PPP2R5E: variants seen among roughly 807,000 people sequenced by gnomAD.
PPP2R5E encodes the protein protein phosphatase 2 regulatory subunit B'epsilon.
In PPP2R5E, 4 loss-of-function variants were observed where a neutral mutation model predicts 65.3. That is an observed-to-expected ratio of 0.06 (90% CI 0.03 to 0.14). The LOEUF is 0.14. Among genes scored for constraint, PPP2R5E ranks in the 10% least tolerant of loss-of-function variants. The pLI, the probability that PPP2R5E is intolerant of heterozygous loss-of-function variation, is 1.00. For missense variants in PPP2R5E, 274 were observed against 556.1 expected (o/e 0.49, Z 5.10); for synonymous variants, 183 against 187.4 (o/e 0.98, Z 0.19).
intron 2 of PPP2R5E, among the ~76,000 whole-genome samples, chr14:63,504,314 G>A (rs989111630): frequency 1.3e-5 from 2 of 152,182 alleles, no homozygotes; most frequent in African/African-American, 4.8e-5. Flanking sequence ...AGGCACGGTG[G>A]CTCACACCTG....
chr14:63,422,729 TAAAAAAAAAA>T (rs567590182), intron 3 of PPP2R5E, among the ~76,000 whole-genome samples: 56 of 88,244 alleles, frequency 6.3e-4, no homozygotes, highest in African/African-American at 2.0e-3. Flanking sequence ...TCCGTCTATT[TAAAAAAAAAA>T]AAAAAAAAAA....
intron 4 of PPP2R5E, 30 bp from the exon 5 acceptor site, chr14:63,415,262 A>T: frequency 6.7e-7 from 1 of 1,493,980 alleles, no homozygotes; most frequent in Non-Finnish European, 9.3e-7. Context: ...ATTAATTTCA[A>T]ATTATGACTC....
chr14:63,409,561 C>T (rs144473949), intron 5 of PPP2R5E, among the ~76,000 whole-genome samples: 91 of 152,192 alleles, frequency 6.0e-4, no homozygotes, highest in Non-Finnish European at 1.1e-3. Flanking sequence ...GACATTTTTA[C>T]AAGTCATCTC....
intron 2 of PPP2R5E, among the ~76,000 whole-genome samples, chr14:63,499,062 A>C (rs1298364175): frequency 6.6e-6 from 1 of 152,216 alleles, no homozygotes; most frequent in Non-Finnish European, 1.5e-5. Flanking sequence ...CGTTTACTTC[A>C]TCACAGGCAA....
At chr14:63,494,229 CATTT>C (rs1224111037) in intron 2 of PPP2R5E, among the ~76,000 whole-genome samples, 1 of 151,866 alleles carries the variant, frequency 6.6e-6, no homozygotes, top group African/African-American at 2.4e-5. Flanking sequence ...ACTGTACCGC[CATTT>C]ATTTATTTAT....
intron 2 of PPP2R5E, among the ~76,000 whole-genome samples, chr14:63,513,768 G>A (rs1892552095): frequency 6.6e-6 from 1 of 152,198 alleles, no homozygotes; most frequent in Non-Finnish European, 1.5e-5. Context: ...AAGACCAGAG[G>A]AGAAACTTAT....
intron 3 of PPP2R5E, among the ~76,000 whole-genome samples, chr14:63,422,902 T>C (rs1263278465): frequency 1.3e-5 from 2 of 152,302 alleles, no homozygotes; most frequent in African/African-American, 2.4e-5. Flanking sequence ...GTTTACAAAA[T>C]AGTAATGATA....
At chr14:63,529,528 T>G (rs769160251) in intron 2 of PPP2R5E, among the ~76,000 whole-genome samples, 4 of 150,806 alleles carry the variant, frequency 2.7e-5, no homozygotes, top group Non-Finnish European at 4.4e-5. Context: ...GCCCGGCTAG[T>G]TTTTTTTTGT....
chr14:63,525,525 C>CT (rs1436011898), intron 2 of PPP2R5E, among the ~76,000 whole-genome samples: 1 of 152,226 alleles, frequency 6.6e-6, no homozygotes, highest in Non-Finnish European at 1.5e-5. Flanking sequence ...TGTCTCCACT[C>CT]TGAGTGAGAA....
At chr14:63,486,773 C>A (rs1283834512) in intron 2 of PPP2R5E, among the ~76,000 whole-genome samples, 1 of 152,082 alleles carries the variant, frequency 6.6e-6, no homozygotes, top group African/African-American at 2.4e-5. Flanking sequence ...CTCTGAAGGC[C>A]CCTTTCCACT....
intron 4 of PPP2R5E, among the ~76,000 whole-genome samples, chr14:63,418,265 C>T (rs1886810244): frequency 1.3e-5 from 2 of 152,236 alleles, no homozygotes; most frequent in Middle Eastern, 3.4e-3. Flanking sequence ...AGCCCTCTTT[C>T]GATTGCCACA....
intron 5 of PPP2R5E, among the ~76,000 whole-genome samples, chr14:63,412,162 ACAAC>A (rs1162259892): frequency 1.3e-5 from 2 of 152,250 alleles, no homozygotes; most frequent in African/African-American, 4.8e-5. Flanking sequence ...CAACTGTGTA[ACAAC>A]CAACAATAAG....
intron 2 of PPP2R5E, among the ~76,000 whole-genome samples, chr14:63,477,384 T>C (rs1158354972): frequency 2.6e-5 from 4 of 152,170 alleles, no homozygotes; most frequent in Non-Finnish European, 5.9e-5. Context: ...TGATCCTTGA[T>C]AGTCAGCCAG....
intron 2 of PPP2R5E, among the ~76,000 whole-genome samples, chr14:63,474,898 G>A (rs1890331339): frequency 6.6e-6 from 1 of 152,168 alleles, no homozygotes; most frequent in African/African-American, 2.4e-5. Flanking sequence ...AAGTTGAGTA[G>A]AGGAGGAAGA....
chr14:63,464,937 C>T lies in PPP2R5E; in HGVS notation c.158-11052G>A, dbSNP rs1889705327. 1.3e-5 allele frequency among the ~76,000 whole-genome samples: 2 copies of T among 151,392 alleles called. 1 individual carries two copies. The highest frequency in any genetic ancestry group is 4.2e-4 in the South Asian group (2 of 4,806). On this transcript the variant is annotated intron_variant, in intron 2 of 13. Coordinates refer to ENST00000337537, the MANE Select transcript of PPP2R5E (RefSeq NM_006246.5). ...ATTTGGGAGGCTGAGGCAGGAGAAT[C>T]GCTCAAACCCAGGAGGCAGAGGTTG...
At chr14:63,402,544 C>T (rs1020276717) in intron 5 of PPP2R5E, among the ~76,000 whole-genome samples, 3 of 152,098 alleles carry the variant, frequency 2.0e-5, no homozygotes, top group Admixed American at 1.3e-4. Flanking sequence ...TTAACATCTT[C>T]AAAGATAAAC....
At position 63,503,109 on chromosome 14, in the gene PPP2R5E, T is replaced by C. The variant is rs564620570; in HGVS notation, c.157+36420A>G. ...TCCAATGAGCAATACAGACCATAAA[T>C]AAAAAATTACATACTATAAGAGCCA... On this transcript the variant is annotated intron_variant, in intron 2 of 13. Coordinates refer to ENST00000337537, the MANE Select transcript of PPP2R5E (RefSeq NM_006246.5). Among the ~76,000 whole-genome samples, 16 of 152,142 alleles carry C rather than the reference T, an allele frequency of 1.1e-4. No individual in the cohort carries two copies. The South Asian group carries it at 2.9e-3, about 28-fold the overall frequency.
chr14:63,401,570 C>G (rs978385530), intron 5 of PPP2R5E, among the ~76,000 whole-genome samples: 2 of 152,066 alleles, frequency 1.3e-5, no homozygotes, highest in African/African-American at 4.8e-5. Context: ...CTTCATAAAT[C>G]TACAATGAAA....
At chr14:63,503,495 T>A (rs1594948684) in intron 2 of PPP2R5E, among the ~76,000 whole-genome samples, 1 of 152,092 alleles carries the variant, frequency 6.6e-6, no homozygotes, top group Non-Finnish European at 1.5e-5. Context: ...CCAACCAATT[T>A]CTCAGGTGAT....
Sources: allele counts gnomAD v4.1 joint callset (sites outside exome capture counted in the v4.1 genomes callset), GRCh38; gene constraint gnomAD v4.1.1; transcripts MANE v1.5; gene names NCBI Gene and HGNC (gene_info 2026-07-23, HGNC 2026-07-21).